Variants in LRP1B observed in about 807,000 individuals in gnomAD.
The protein encoded by LRP1B is low-density lipoprotein receptor-related protein 1B.
In LRP1B, 217 loss-of-function variants were observed where a neutral mutation model predicts 556.6. The ratio of observed to expected loss-of-function variants is 0.39; its 90% CI spans 0.35 to 0.44. The LOEUF (loss-of-function observed/expected upper bound fraction) is 0.44. LRP1B is among the 20% of genes least tolerant of loss of function. LRP1B has a pLI of 1.00. For missense variants in LRP1B, 5,053 were observed against 5,620.8 expected, an observed-to-expected ratio of 0.90 and a Z score of 3.23; for synonymous variants, 2,047 against 1,865.8, an observed-to-expected ratio of 1.10 and a Z score of -2.50.
chr2:140,565,204 T>G (rs2105089016), intron 43 of LRP1B, among the ~76,000 whole-genome samples: 1 of 77,958 alleles, frequency 1.3e-5, no homozygotes, highest in South Asian at 4.5e-4. Flanking sequence ...TATATCTGTA[T>G]ATATACACAC....
At chr2:141,682,048 G>C (rs936796993) in intron 2 of LRP1B, among the ~76,000 whole-genome samples, 1 of 151,968 alleles carries the variant, frequency 6.6e-6, no homozygotes, top group Non-Finnish European at 1.5e-5. Flanking sequence ...AAAGAATTTC[G>C]AAGCAAAAGT....
At chr2:140,293,255 T>C (rs1414732603) in intron 84 of LRP1B, among the ~76,000 whole-genome samples, 1 of 152,192 alleles carries the variant, frequency 6.6e-6, no homozygotes, top group Non-Finnish European at 1.5e-5. Flanking sequence ...ACTTCAGATA[T>C]TGGTTAACCT....
intron 7 of LRP1B, among the ~76,000 whole-genome samples, chr2:141,159,300 G>A (rs1306071669): frequency 6.6e-6 from 1 of 152,100 alleles, no homozygotes; most frequent in East Asian, 1.9e-4. Context: ...GGAAAGAATT[G>A]GAAGGAAAAT....
intron 2 of LRP1B, among the ~76,000 whole-genome samples, chr2:141,490,938 T>G (rs1266989278): frequency 1.7e-4 from 2 of 11,684 alleles, no homozygotes; most frequent in Non-Finnish European, 1.0e-3. Context: ...ATGTTTTTTT[T>G]TTTTTTTTTT....
chr2:140,273,431 C>T (rs1377357226), intron 85 of LRP1B, among the ~76,000 whole-genome samples: 1 of 151,918 alleles, frequency 6.6e-6, no homozygotes, highest in Admixed American at 6.6e-5. Context: ...TTTCAAATAT[C>T]CCAATTTTGC....
In LRP1B at chr2:140,232,836, C is replaced by G. The variant is rs1471470213; in HGVS notation, c.*350G>C. On this transcript the variant is annotated 3_prime_UTR_variant, in exon 91 of 91. Coordinates refer to ENST00000389484, the MANE Select transcript of LRP1B (RefSeq NM_018557.3). ...TATAATGGAAAAGTGCAGAGATTCT[C>G]CTCGTTGATTAAGTACAACCAAAAA... is the stretch of plus-strand genomic sequence containing the variant. The G allele has an allele frequency of 1.9e-5, 3 of 159,076 alleles. No individual in the cohort carries two copies. Among genetic ancestry groups the G allele is most frequent in the African/African-American group, 7.2e-5 (3 of 41,620 alleles). The allele number at this position is 159,076 out of a possible 1,614,324, so 9.9% of individuals were successfully genotyped here. A position where few individuals can be genotyped will look rare whatever the true frequency, so the allele number is the denominator to read the frequency against.
At chr2:140,940,840 C>T (rs1257552467) in intron 20 of LRP1B, among the ~76,000 whole-genome samples, 7 of 152,120 alleles carry the variant, frequency 4.6e-5, no homozygotes, top group Non-Finnish European at 8.8e-5. Flanking sequence ...TTTGAGTAAT[C>T]GCCACAGTGT....
chr2:141,618,060 G>T (rs1024012707), intron 2 of LRP1B, among the ~76,000 whole-genome samples: 1 of 152,148 alleles, frequency 6.6e-6, no homozygotes, highest in Non-Finnish European at 1.5e-5. Flanking sequence ...AAAGTCCTGA[G>T]TGTTTGCTAT....
chr2:140,978,624 T>A (rs1475540832), intron 18 of LRP1B, among the ~76,000 whole-genome samples: 1 of 152,208 alleles, frequency 6.6e-6, no homozygotes, highest in Non-Finnish European at 1.5e-5. Context: ...TTGTATGCAG[T>A]GCAGGAATAA....
At chr2:141,772,630 CTT>C (rs1694938812) in intron 2 of LRP1B, among the ~76,000 whole-genome samples, 1 of 152,142 alleles carries the variant, frequency 6.6e-6, no homozygotes, top group Non-Finnish European at 1.5e-5. Flanking sequence ...GGATTTTTGT[CTT>C]TTAAATTTGC....
At chr2:141,331,139 C>T (rs1687629345) in intron 3 of LRP1B, among the ~76,000 whole-genome samples, 1 of 152,070 alleles carries the variant, frequency 6.6e-6, no homozygotes, top group South Asian at 2.1e-4. Flanking sequence ...GCATTGATGG[C>T]TGGTTTAACG....
intron 41 of LRP1B, among the ~76,000 whole-genome samples, chr2:140,627,611 T>C (rs750586580): frequency 1.4e-4 from 21 of 152,322 alleles, no homozygotes; most frequent in Non-Finnish European, 3.1e-4. Context: ...CAGCCTATTG[T>C]GGGATTTCAC....
chr2:140,684,522 A>G (rs903149403), intron 41 of LRP1B, among the ~76,000 whole-genome samples: 3 of 152,178 alleles, frequency 2.0e-5, no homozygotes, highest in African/African-American at 7.2e-5. Context: ...AGCCCATCCG[A>G]ATCCCAGTTT....
chr2:140,315,187 A>G (rs1684468206), intron 82 of LRP1B, 88 bp from the exon 83 acceptor site: 1 of 875,524 alleles, frequency 1.1e-6, no homozygotes, highest in Non-Finnish European at 1.7e-6. Context: ...TTTAAATACT[A>G]GGATCTTGTG....
chr2:140,790,183 C>G (rs1389343495), intron 32 of LRP1B, among the ~76,000 whole-genome samples: 1 of 152,172 alleles, frequency 6.6e-6, no homozygotes, highest in Non-Finnish European at 1.5e-5. Context: ...TTTTTCACCT[C>G]TATCTTCAGC....
rs766459383 is a variant in LRP1B at position 141,015,676 on chromosome 2, C to G, written c.2190+20G>C. 1.9e-6 allele frequency: 3 copies of G among 1,574,392 alleles called. No individual in the cohort carries two copies. The highest frequency in any genetic ancestry group is 1.7e-5 in the Admixed American group (1 of 59,346). ...AAAAAAGAAGCCTGTGGGTTAAAAA[C>G]AGCAGCATTTGTCTTTTACCTTCCT... On this transcript the variant is annotated intron_variant, in intron 13 of 90. Coordinates refer to ENST00000389484, the MANE Select transcript of LRP1B (RefSeq NM_018557.3).
At chr2:142,050,137 C>A (rs762452120) in intron 1 of LRP1B, among the ~76,000 whole-genome samples, 1 of 152,092 alleles carries the variant, frequency 6.6e-6, no homozygotes, top group Non-Finnish European at 1.5e-5. Context: ...ATTAAGTATT[C>A]TCTTTCTATG....
rs1249509298 is a variant in LRP1B at position 140,510,053 on chromosome 2, G to A, written c.8273C>T (p.Ala2758Val). The change falls in exon 52 of 91, where the codon GCC becomes GTC. Residue 2758 changes from alanine to valine, a missense_variant. Ala to Val is a moderately conservative substitution (Grantham distance 64, BLOSUM62 0). This residue lies in a region of LRP1B where 3,619 missense variants were observed against 3,931.9 expected (regional missense o/e 0.92). Transcript: ENST00000389484. ...GAACATGTCAGCAGCACAGGTTATG[G>A]CACCTGAAACACAAAAACATAATGC... ...GLDESDSICG[A>V]ITCAADMFSC... is the part of the protein sequence containing the mutation. 5.0e-6 allele frequency: 8 copies of A among 1,613,286 alleles called. No individual in the cohort carries two copies. Among genetic ancestry groups the A allele is most frequent in the Non-Finnish European group, 5.9e-6 (7 of 1,179,848 alleles).
intron 7 of LRP1B, among the ~76,000 whole-genome samples, chr2:141,122,363 G>A (rs1167818073): frequency 6.6e-6 from 1 of 150,894 alleles, no homozygotes; most frequent in East Asian, 2.0e-4. Flanking sequence ...CTGACAAAGG[G>A]CTAATATCCA....
Sources: gnomAD v4.1 joint callset for allele counts (sites outside exome capture counted in the v4.1 genomes callset) on GRCh38, gnomAD v4.1.1 for gene constraint, gnomAD v4.1.1 regional missense constraint, MANE v1.5 for transcripts, NCBI Gene and HGNC (gene_info 2026-07-23, HGNC 2026-07-21) for gene names.